Variants in ALK observed in about 807,000 individuals in gnomAD.
ALK encodes ALK receptor tyrosine kinase.
In ALK, 74 loss-of-function variants were observed where a neutral mutation model predicts 163.1. That is an observed-to-expected ratio of 0.45 (90% confidence interval 0.38 to 0.55). The LOEUF (loss-of-function observed/expected upper bound fraction) is 0.55, where lower values mean the gene tolerates loss of function less well. Among genes scored for constraint, ALK ranks in the 20% least tolerant of loss-of-function variants. ALK has a pLI of 0.00. For missense variants in ALK, 2,063 were observed against 2,105.3 expected, an observed-to-expected ratio of 0.98 and a Z score of 0.39; for synonymous variants, 960 against 843.2, an observed-to-expected ratio of 1.14 and a Z score of -2.40.
At chr2:29,555,135 A>G (rs1221626404) in intron 3 of ALK, among the ~76,000 whole-genome samples, 1 of 152,020 alleles carries the variant, frequency 6.6e-6, no homozygotes, top group Non-Finnish European at 1.5e-5. Context: ...ACTTTACTCT[A>G]TGGACTCACC....
chr2:29,490,470 G>A (rs1327044071), intron 4 of ALK, among the ~76,000 whole-genome samples: 1 of 152,190 alleles, frequency 6.6e-6, no homozygotes, highest in Non-Finnish European at 1.5e-5. Context: ...AGCATCATCT[G>A]GGGACTTGTT....
intron 4 of ALK, among the ~76,000 whole-genome samples, chr2:29,391,669 T>C (rs1669179109): frequency 6.6e-6 from 1 of 152,094 alleles, no homozygotes; most frequent in Admixed American, 6.6e-5. Context: ...GTTCCCTCCC[T>C]CCCTGTCTCC....
chr2:29,458,791 G>A (rs1405264054), intron 4 of ALK, among the ~76,000 whole-genome samples: 2 of 152,164 alleles, frequency 1.3e-5, no homozygotes, highest in African/African-American at 4.8e-5. Flanking sequence ...CCATGATTGA[G>A]TGCTTACACT....
At chr2:29,643,261 A>G (rs1676756511) in intron 3 of ALK, among the ~76,000 whole-genome samples, 1 of 152,190 alleles carries the variant, frequency 6.6e-6, no homozygotes, top group Admixed American at 6.5e-5. Flanking sequence ...GAAGCAAGAT[A>G]CATCACCAGG....
Position 29,403,273 on chromosome 2 carries a change from C to T in ALK, c.1155-19414G>A, listed in dbSNP as rs368745223. ...TCCTTTGGCACTTTTATCTGAGATG[C>T]CTTCCAGATGGGCAAGACTTACTCA... On this transcript the variant is annotated intron_variant, in intron 4 of 28. Transcript: ENST00000389048. Among the ~76,000 whole-genome samples the T allele has an allele frequency of 1.5e-4, 23 of 152,180 alleles. 1 individual carries two copies. The highest frequency in any genetic ancestry group is 5.8e-4 in the East Asian group (3 of 5,182).
chr2:29,893,161 C>G (rs2148426096), intron 1 of ALK, among the ~76,000 whole-genome samples: 1 of 152,206 alleles, frequency 6.6e-6, no homozygotes, highest in South Asian at 2.1e-4. Flanking sequence ...ATATTTCCAC[C>G]CCTCCCCTTC....
chr2:29,761,986 T>C (rs975293592), intron 1 of ALK, among the ~76,000 whole-genome samples: 1 of 152,186 alleles, frequency 6.6e-6, no homozygotes, highest in African/African-American at 2.4e-5. Flanking sequence ...TTCTGGAAAA[T>C]GCAAATGAGA....
chr2:29,656,813 C>A (rs1677197987), intron 3 of ALK, among the ~76,000 whole-genome samples: 1 of 152,086 alleles, frequency 6.6e-6, no homozygotes, highest in African/African-American at 2.4e-5. Context: ...TTTGAAGCTC[C>A]CATCACAGAC....
intron 1 of ALK, among the ~76,000 whole-genome samples, chr2:29,830,111 T>G (rs187712504): frequency 6.6e-6 from 1 of 152,218 alleles, no homozygotes; most frequent in Non-Finnish European, 1.5e-5. Context: ...AGTGTTTGTG[T>G]AGTGGATGTT....
intron 3 of ALK, among the ~76,000 whole-genome samples, chr2:29,563,605 T>C (rs1287298170): frequency 6.6e-6 from 1 of 152,178 alleles, no homozygotes; most frequent in African/African-American, 2.4e-5. Flanking sequence ...AGGCTCTTTC[T>C]GATGTGGGTA....
intron 3 of ALK, among the ~76,000 whole-genome samples, chr2:29,652,117 C>T (rs980533360): frequency 1.3e-5 from 2 of 152,110 alleles, no homozygotes; most frequent in Non-Finnish European, 2.9e-5. Context: ...TTTAGTGATG[C>T]TCTTAAACAA....
intron 4 of ALK, among the ~76,000 whole-genome samples, chr2:29,503,269 C>A (rs1386974444): frequency 6.6e-6 from 1 of 152,182 alleles, no homozygotes; most frequent in Non-Finnish European, 1.5e-5. Flanking sequence ...TATTACGGGT[C>A]ACTCAGGTTA....
At chr2:29,627,759 A>G (rs776338434) in intron 3 of ALK, among the ~76,000 whole-genome samples, 1 of 152,246 alleles carries the variant, frequency 6.6e-6, no homozygotes, top group Non-Finnish European at 1.5e-5. Flanking sequence ...TGCCTGCATA[A>G]TAAGTGTTAA....
intron 3 of ALK, among the ~76,000 whole-genome samples, chr2:29,597,105 GA>G (rs1268728305): frequency 1.3e-5 from 2 of 152,212 alleles, no homozygotes; most frequent in African/African-American, 4.8e-5. Flanking sequence ...CAGAGGCTGA[GA>G]ATAAGACAAA....
intron 13 of ALK, among the ~76,000 whole-genome samples, chr2:29,239,023 G>C (rs1283721149): frequency 2.6e-5 from 4 of 152,162 alleles, no homozygotes; most frequent in African/African-American, 9.7e-5. Context: ...TAATTTAATG[G>C]CTTAATATAT....
intron 1 of ALK, among the ~76,000 whole-genome samples, chr2:29,823,244 G>A (rs1291509338): frequency 1.3e-5 from 2 of 152,162 alleles, no homozygotes; most frequent in East Asian, 1.9e-4. Flanking sequence ...ACGTGGAACT[G>A]TAAGTCCATC....
At chr2:29,499,978 A>T (rs1672125644) in intron 4 of ALK, among the ~76,000 whole-genome samples, 1 of 152,066 alleles carries the variant, frequency 6.6e-6, no homozygotes, top group Non-Finnish European at 1.5e-5. Flanking sequence ...CACTGGGGAC[A>T]TTGTGACACC....
At chr2:29,600,979 C>T (rs1289159956) in intron 3 of ALK, among the ~76,000 whole-genome samples, 1 of 152,206 alleles carries the variant, frequency 6.6e-6, no homozygotes, top group Non-Finnish European at 1.5e-5. Flanking sequence ...GCTGGGTCAC[C>T]AACTACACTG....
At chr2:29,872,939 C>A (rs1262520117) in intron 1 of ALK, among the ~76,000 whole-genome samples, 1 of 152,216 alleles carries the variant, frequency 6.6e-6, no homozygotes, top group Non-Finnish European at 1.5e-5. Flanking sequence ...TGTTGGACTG[C>A]AACATTTGCA....
Sources: allele counts gnomAD v4.1 joint callset (sites outside exome capture counted in the v4.1 genomes callset), GRCh38; gene constraint gnomAD v4.1.1; transcripts MANE v1.5; gene names NCBI Gene and HGNC (gene_info 2026-07-23, HGNC 2026-07-21).